The following KIF26B variants were observed in gnomAD, a reference collection of about 807,000 sequenced individuals.
KIF26B encodes kinesin family member 26B.
In KIF26B, 63 loss-of-function variants were observed where a neutral mutation model predicts 151.2. The observed-to-expected ratio is 0.42, with a 90% CI of 0.34 to 0.51. KIF26B has a LOEUF of 0.51. KIF26B is among the 20% of genes least tolerant of loss of function. KIF26B has a pLI of 0.07. For missense variants in KIF26B, 2,813 were observed against 2,913.6 expected (o/e 0.97, Z 0.79); for synonymous variants, 1,357 against 1,262.1 (o/e 1.08, Z -1.59).
chr1:245,688,308 C>T lies in KIF26B; in HGVS notation c.5325C>T (p.Pro1775=), dbSNP rs768721713. 1.9e-6 allele frequency: 3 copies of T among 1,595,382 alleles called. No individual in the cohort carries two copies. Among genetic ancestry groups the T allele is most frequent in the African/African-American group, 1.3e-5 (1 of 74,792 alleles). Residue 1775 remains proline (P), a synonymous_variant, in exon 12 of 15, where the codon CCC becomes CCT. Coordinates refer to ENST00000407071, the MANE Select transcript of KIF26B (RefSeq NM_018012.4). ...TGGGCCAGGGCTCCAGCTCGCCCCC[C>T]GGTGGGAAGCACACGCCCTGGTCCA... is the stretch of plus-strand genomic sequence containing the variant. ...QAVGQGSSSP[P]GGKHTPWSTQ...
chr1:245,226,922 C>T (rs565813557), intron 2 of KIF26B, among the ~76,000 whole-genome samples: 1 of 152,348 alleles, frequency 6.6e-6, no homozygotes, highest in Admixed American at 6.5e-5. Flanking sequence ...GTGAAACCAG[C>T]TTATTTCCAC....
intron 2 of KIF26B, among the ~76,000 whole-genome samples, chr1:245,228,514 C>T (rs375667269): frequency 1.9e-4 from 28 of 150,260 alleles, no homozygotes; most frequent in Admixed American, 4.0e-4. Context: ...TGCAGTGAGC[C>T]GAGATTGCAC....
chr1:245,550,598 C>T (rs999488623), intron 5 of KIF26B, among the ~76,000 whole-genome samples: 4 of 152,182 alleles, frequency 2.6e-5, no homozygotes, highest in African/African-American at 9.7e-5. Context: ...CAGCCTGGGG[C>T]AAAAGGCAGA....
chr1:245,577,371 G>A (rs1394857969), intron 5 of KIF26B, among the ~76,000 whole-genome samples: 2 of 149,578 alleles, frequency 1.3e-5, no homozygotes, highest in Admixed American at 6.7e-5. Flanking sequence ...CGGGTGTCCC[G>A]ACTCCCCCAT....
chr1:245,366,387 C>G (rs530227916), intron 2 of KIF26B, among the ~76,000 whole-genome samples: 1 of 152,066 alleles, frequency 6.6e-6, no homozygotes, highest in South Asian at 2.1e-4. Flanking sequence ...AAAAAATTAG[C>G]TGGGCGTGGT....
intron 2 of KIF26B, among the ~76,000 whole-genome samples, chr1:245,223,662 A>G (rs1473660037): frequency 6.6e-6 from 1 of 151,978 alleles, no homozygotes; most frequent in African/African-American, 2.4e-5. Flanking sequence ...GACTTCTTTC[A>G]CTCCATAGCA....
rs575045099 is a variant in KIF26B at position 245,606,069 on chromosome 1, G to A, written c.1558-1582G>A. 1.5e-4 allele frequency among the ~76,000 whole-genome samples: 23 copies of A among 152,208 alleles called. No individual in the cohort carries two copies. The highest frequency in any genetic ancestry group is 4.8e-4 in the African/African-American group (20 of 41,552). Reference sequence around the variant, plus strand: ...CGCCTCTGGCAAATTCCATCAAGACGCTACTGCTTCTGTCTCAGGGTTAGC... The same window carrying A: ...CGCCTCTGGCAAATTCCATCAAGACACTACTGCTTCTGTCTCAGGGTTAGC... On this transcript the variant is annotated intron_variant, in intron 6 of 14. Transcript: ENST00000407071. The surrounding 1 kb of genome is among the most constrained non-coding windows in gnomAD (Gnocchi z 4.6).
At chr1:245,541,398 T>C (rs1661618974) in intron 5 of KIF26B, among the ~76,000 whole-genome samples, 1 of 152,112 alleles carries the variant, frequency 6.6e-6, no homozygotes, top group African/African-American at 2.4e-5. Flanking sequence ...ACTGAGGGGA[T>C]TGTGAGGAAC....
At position 245,601,114 on chromosome 1, in the gene KIF26B, A is replaced by G. The variant is rs1046526424; in HGVS notation, c.1351-1463A>G. On this transcript the variant is annotated intron_variant, in intron 5 of 14. Transcript: ENST00000407071. The surrounding 1 kb of genome is among the most constrained non-coding windows in gnomAD (Gnocchi z 4.4). ...GAGAGAAAATGGCAGGGATCTTTCT[A>G]TGACCTCAGTGTGAGAAGCAAGATC... Among the ~76,000 whole-genome samples, 3 of 152,336 alleles carry G rather than the reference A, an allele frequency of 2.0e-5. No homozygotes were observed. The highest frequency in any genetic ancestry group is 1.9e-4 in the East Asian group (1 of 5,190).
At chr1:245,611,586 A>G (rs78304119) in intron 8 of KIF26B, among the ~76,000 whole-genome samples, 1 of 152,266 alleles carries the variant, frequency 6.6e-6, no homozygotes, top group African/African-American at 2.4e-5. Context: ...AGTATGCTCA[A>G]TATTAATTTT....
Position 245,156,440 on chromosome 1 carries a change from C to A in KIF26B, c.222C>A (p.Gly74=). 1 of 1,526,396 alleles carries A rather than the reference C, an allele frequency of 6.6e-7. No homozygotes were observed. The highest frequency in any genetic ancestry group is 8.8e-7 in the Non-Finnish European group (1 of 1,140,376). The allele number at this position is 1,526,396 out of a possible 1,614,324, so 94.6% of individuals were successfully genotyped here. A position where few individuals can be genotyped will look rare whatever the true frequency, so the allele number is the denominator to read the frequency against. The part of the protein sequence containing the change: ...GSSGTPSPGS[G]TSSPSSFTGS... ...CGGGGACCCCGTCTCCCGGCTCGGG[C>A]ACCTCGTCCCCGAGCTCGTTCACCG... Residue 74 remains glycine (G), a synonymous_variant, in exon 2 of 15, where the codon GGC becomes GGA. Coordinates refer to ENST00000407071, the MANE Select transcript of KIF26B (RefSeq NM_018012.4).
At position 245,685,871 on chromosome 1, in the gene KIF26B, C is replaced by T. The variant is rs1314934352; in HGVS notation, c.2888C>T (p.Pro963Leu). The T allele has an allele frequency of 4.3e-6, 7 of 1,612,808 alleles. No homozygotes were observed. The East Asian group carries it at 1.1e-4, about 26-fold the overall frequency. ...QFGPEQASRG[P>L]RLSQAAGASP... ...GGGCCAGAGCAGGCAAGCAGAGGCC[C>T]CCGGTTAAGCCAAGCAGCGGGGGCA... Residue 963 changes from proline (P) to leucine (L), a missense_variant, in exon 12 of 15, where the codon CCC (proline) becomes CTC (leucine). By Grantham distance (98) the Pro-to-Leu change is moderately conservative. Transcript: ENST00000407071.
chr1:245,447,851 G>A (rs764489416), intron 4 of KIF26B, among the ~76,000 whole-genome samples: 10 of 152,186 alleles, frequency 6.6e-5, no homozygotes, highest in Non-Finnish European at 1.5e-4. Flanking sequence ...CTGCAAAACT[G>A]CCTTGAGCTG....
At chr1:245,575,048 G>T (rs2043104595) in intron 5 of KIF26B, among the ~76,000 whole-genome samples, 2 of 151,056 alleles carry the variant, frequency 1.3e-5, no homozygotes, top group African/African-American at 2.4e-5. Context: ...TGTATTTTTA[G>T]TAGAGACGGG....
At chr1:245,185,293 C>A (rs1363611924) in intron 2 of KIF26B, among the ~76,000 whole-genome samples, 2 of 152,034 alleles carry the variant, frequency 1.3e-5, no homozygotes, top group Admixed American at 1.3e-4. Context: ...CACCCGCCAC[C>A]ACACCTGGCT....
chr1:245,282,472 A>G (rs7541205), intron 2 of KIF26B, among the ~76,000 whole-genome samples: 92,691 of 152,088 alleles, frequency 0.61, 28,738 homozygotes, highest in East Asian at 0.72. Flanking sequence ...CGATTCCCAC[A>G]CTTTCTTGGC....
chr1:245,256,082 T>C lies in KIF26B; in HGVS notation c.465+99399T>C, dbSNP rs557538728. Among the ~76,000 whole-genome samples, 17 of 152,318 alleles carry C rather than the reference T, an allele frequency of 1.1e-4. No individual in the cohort carries two copies. In the East Asian group the frequency reaches 3.3e-3, roughly 29 times the overall value. ...CTGCTTACCCTCCCTCCTTCCTACC[T>C]GCCTTGTGCTGGAAAGGGCCGGGAT... is the stretch of plus-strand genomic sequence containing the variant. On this transcript the variant is annotated intron_variant, in intron 2 of 14. Transcript: ENST00000407071.
chr1:245,486,481 ATATAC>A (rs1660283382), intron 4 of KIF26B, among the ~76,000 whole-genome samples: 1 of 152,196 alleles, frequency 6.6e-6, no homozygotes, highest in Admixed American at 6.5e-5. Flanking sequence ...ATAATTTCAT[ATATAC>A]TATCTCATTA....
intron 2 of KIF26B, among the ~76,000 whole-genome samples, chr1:245,361,726 T>C (rs556051826): frequency 6.6e-6 from 1 of 152,314 alleles, no homozygotes; most frequent in Admixed American, 6.5e-5. Context: ...ATTTTGGCTG[T>C]CTCAGGCCTC....
Sources: allele counts gnomAD v4.1 joint callset (sites outside exome capture counted in the v4.1 genomes callset), GRCh38; gene constraint gnomAD v4.1.1; non-coding constraint Gnocchi (gnomAD v3.1); transcripts MANE v1.5; gene names NCBI Gene and HGNC (gene_info 2026-07-23, HGNC 2026-07-21).